Variants in SAMD4A observed in about 807,000 individuals in gnomAD.
The protein encoded by SAMD4A is protein Smaug homolog 1.
Under a neutral mutation model 81.3 loss-of-function variants are expected in SAMD4A, and 33 were observed. That is an observed-to-expected ratio of 0.41 (90% CI 0.31 to 0.54). SAMD4A has a LOEUF of 0.54. Ranked by LOEUF, SAMD4A falls within the 20% of genes least tolerant of loss-of-function variation. The pLI is 0.37. For missense variants in SAMD4A, 854 were observed against 951.1 expected (o/e 0.90, Z 1.34); for synonymous variants, 389 against 382.1 (o/e 1.02, Z -0.21).
At chr14:54,586,342 T>C (rs888426357) in intron 2 of SAMD4A, among the ~76,000 whole-genome samples, 11 of 152,348 alleles carry the variant, frequency 7.2e-5, no homozygotes, top group Admixed American at 6.5e-4. Flanking sequence ...TTGTTGGATG[T>C]ATAGATTGTG....
intron 2 of SAMD4A, among the ~76,000 whole-genome samples, chr14:54,635,357 G>A (rs969356488): frequency 4.0e-5 from 6 of 151,846 alleles, no homozygotes; most frequent in Non-Finnish European, 8.8e-5. Flanking sequence ...CCCAGGAGGC[G>A]GAGGTTGCAG....
intron 3 of SAMD4A, among the ~76,000 whole-genome samples, chr14:54,728,671 TCTC>T (rs1192193715): frequency 6.6e-6 from 1 of 152,164 alleles, no homozygotes; most frequent in Non-Finnish European, 1.5e-5. Context: ...AATCTGCTGT[TCTC>T]CTCCTTTTAT....
At chr14:54,588,057 C>G (rs1360917687) in intron 2 of SAMD4A, among the ~76,000 whole-genome samples, 5 of 152,018 alleles carry the variant, frequency 3.3e-5, no homozygotes, top group Non-Finnish European at 7.4e-5. Context: ...CCATTTCAAT[C>G]TCGCTGCTTG....
intron 3 of SAMD4A, among the ~76,000 whole-genome samples, chr14:54,717,836 A>G (rs1470229692): frequency 6.6e-6 from 1 of 151,930 alleles, no homozygotes; most frequent in Non-Finnish European, 1.5e-5. Context: ...GAGTATTGTC[A>G]ATACTCAGAA....
At chr14:54,571,550 T>A (rs1239613586) in intron 2 of SAMD4A, among the ~76,000 whole-genome samples, 1 of 152,212 alleles carries the variant, frequency 6.6e-6, no homozygotes, top group Non-Finnish European at 1.5e-5. Context: ...AATATATTTT[T>A]CATAGAGATT....
chr14:54,580,314 C>T (rs138867548), intron 2 of SAMD4A, among the ~76,000 whole-genome samples: 39 of 152,300 alleles, frequency 2.6e-4, no homozygotes, highest in African/African-American at 8.7e-4. Flanking sequence ...AAAATGGTCC[C>T]CTCAAAGTCA....
chr14:54,640,150 C>G (rs1413055715), intron 2 of SAMD4A, among the ~76,000 whole-genome samples: 3 of 152,062 alleles, frequency 2.0e-5, no homozygotes, highest in African/African-American at 7.2e-5. Context: ...GAAACAAAAC[C>G]AAACCTACAA....
intron 4 of SAMD4A, among the ~76,000 whole-genome samples, chr14:54,737,582 C>T (rs1163963769): frequency 7.9e-6 from 1 of 127,308 alleles, no homozygotes; most frequent in Non-Finnish European, 1.6e-5. Flanking sequence ...GACTTGTAGA[C>T]CATTAAATGA....
intron 2 of SAMD4A, among the ~76,000 whole-genome samples, chr14:54,629,152 A>G (rs949442987): frequency 3.9e-5 from 6 of 152,188 alleles, no homozygotes; most frequent in African/African-American, 1.4e-4. Flanking sequence ...GAAGAGCACC[A>G]GGTATTAATA....
At chr14:54,688,900 A>C (rs186863885) in intron 2 of SAMD4A, among the ~76,000 whole-genome samples, 11 of 119,352 alleles carry the variant, frequency 9.2e-5, no homozygotes, top group African/African-American at 3.2e-4. Flanking sequence ...GATTCAGTAG[A>C]TCTATAGAGA....
chr14:54,757,666 G>A (rs753619941), intron 6 of SAMD4A, among the ~76,000 whole-genome samples: 44 of 152,166 alleles, frequency 2.9e-4, no homozygotes, highest in Non-Finnish European at 5.1e-4. Flanking sequence ...GGGATGGCAT[G>A]GCAGGGATAC....
At chr14:54,695,703 C>T (rs1185474014) in intron 2 of SAMD4A, among the ~76,000 whole-genome samples, 2 of 150,734 alleles carry the variant, frequency 1.3e-5, no homozygotes, top group Non-Finnish European at 3.0e-5. Context: ...GCCTGTAATC[C>T]CAGCACTTTG....
intron 2 of SAMD4A, chr14:54,693,087 A>T (rs564346649): frequency 5.3e-5 from 8 of 152,286 alleles, no homozygotes; most frequent in Admixed American, 4.6e-4. Flanking sequence ...TCTAGCAAAA[A>T]ACAATGGGGA....
chr14:54,574,087 A>C (rs1309921717), intron 2 of SAMD4A, among the ~76,000 whole-genome samples: 1 of 152,218 alleles, frequency 6.6e-6, no homozygotes, highest in Non-Finnish European at 1.5e-5. Flanking sequence ...AGAAAGTGGG[A>C]CTGAGTTCCT....
chr14:54,751,917 A>G (rs10141562), intron 6 of SAMD4A, among the ~76,000 whole-genome samples: 12,532 of 152,274 alleles, frequency 0.082, 578 homozygotes, highest in East Asian at 0.22. Context: ...GGGAATATGC[A>G]GTGTGCTTTG....
At chr14:54,712,685 C>G (rs1051049017) in intron 3 of SAMD4A, among the ~76,000 whole-genome samples, 2 of 152,144 alleles carry the variant, frequency 1.3e-5, no homozygotes, top group African/African-American at 2.4e-5. Flanking sequence ...GGGCGAGAAG[C>G]CTGCTAGTTG....
At chr14:54,642,143 A>G (rs1346129077) in intron 2 of SAMD4A, among the ~76,000 whole-genome samples, 1 of 152,198 alleles carries the variant, frequency 6.6e-6, no homozygotes, top group Admixed American at 6.5e-5. Context: ...TATTAGTTCT[A>G]AGTCTCTCAC....
In SAMD4A at chr14:54,567,351, CG is replaced by C. The variant is rs1437472766; in HGVS notation, c.-422+15del. 1 of 152,664 alleles carries C rather than the reference CG, an allele frequency of 6.6e-6. No homozygotes were observed. Among genetic ancestry groups the C allele is most frequent in the East Asian group, 1.9e-4 (1 of 5,188 alleles). The allele number at this position is 152,664 out of a possible 1,614,324, so 9.5% of individuals were successfully genotyped here. A position where few individuals can be genotyped will look rare whatever the true frequency, so the allele number is the denominator to read the frequency against. On this transcript the variant is annotated intron_variant, in intron 1 of 12. Coordinates refer to ENST00000554335, the MANE Select transcript of SAMD4A (RefSeq NM_015589.6). The stretch of plus-strand genomic sequence containing the variant: ...TCTCCCACATCGGGTGCGGAGGGGG[CG>C]GAGGGGGCGGCTGGATTTCGGCGAA...
intron 2 of SAMD4A, among the ~76,000 whole-genome samples, chr14:54,676,150 C>G (rs1218081642): frequency 6.6e-6 from 1 of 152,174 alleles, no homozygotes; most frequent in Admixed American, 6.5e-5. Context: ...AATACCACAG[C>G]AGCTCCATGT....
Sources: gnomAD v4.1 joint callset for allele counts (sites outside exome capture counted in the v4.1 genomes callset) on GRCh38, gnomAD v4.1.1 for gene constraint, MANE v1.5 for transcripts, NCBI Gene and HGNC (gene_info 2026-07-23, HGNC 2026-07-21) for gene names.